NFATC1: variants seen among roughly 807,000 people sequenced by gnomAD.
NFATC1 encodes the protein nuclear factor of activated T-cells, cytoplasmic 1.
A neutral mutation model predicts 76.0 loss-of-function variants in NFATC1; 22 were observed. The ratio of observed to expected loss-of-function variants is 0.29; its 90% CI spans 0.21 to 0.41. The LOEUF is 0.41. Ranked by LOEUF, NFATC1 falls within the 10% of genes least tolerant of loss-of-function variation. NFATC1 has a pLI of 1.00. For synonymous variants in NFATC1, 704 were observed against 613.1 expected, an observed-to-expected ratio of 1.15 and a Z score of -2.19; for missense variants, 1,357 against 1,337.7, an observed-to-expected ratio of 1.01 and a Z score of -0.23.
intron 7 of NFATC1, among the ~76,000 whole-genome samples, chr18:79,464,153 G>A (rs908108895): frequency 6.6e-6 from 1 of 152,120 alleles, no homozygotes; most frequent in Non-Finnish European, 1.5e-5. Flanking sequence ...GCAGTGGCTC[G>A]ATCTCAGCTC....
Position 79,410,445 on chromosome 18 carries a change from C to T in NFATC1, c.170C>T (p.Pro57Leu), listed in dbSNP as rs779010195. 8.7e-6 allele frequency: 14 copies of T among 1,611,918 alleles called. No homozygotes were observed. The highest frequency in any genetic ancestry group is 2.7e-5 in the African/African-American group (2 of 74,906). ...TCCTCCAACGTCAGCCCCGCCCTGC[C>T]GCTCCCCACGGCGCACTCCACCCTG... Reference protein sequence around the residue: ...YASSNVSPALPLPTAHSTLPA... With the variant: ...YASSNVSPALLLPTAHSTLPA... Residue 57 changes from proline (P) to leucine (L), a missense_variant, in exon 2 of 10, where the codon CCG becomes CTG. By Grantham distance (98) the Pro-to-Leu change is moderately conservative. Coordinates refer to ENST00000427363, the MANE Select transcript of NFATC1 (RefSeq NM_001278669.2). This position sits in a 1 kb window ranked among gnomAD's most constrained non-coding sequence, Gnocchi z 6.7.
At chr18:79,471,612 G>A (rs2088790396) in intron 8 of NFATC1, among the ~76,000 whole-genome samples, 2 of 152,190 alleles carry the variant, frequency 1.3e-5, no homozygotes, top group South Asian at 2.1e-4. Flanking sequence ...CTAGGTCCCT[G>A]TGGGAACACA....
At position 79,520,193 on chromosome 18, in the gene NFATC1, C is replaced by T. The variant is rs1019430120; in HGVS notation, c.2783-7335C>T. ...TCTCGAAGCCCCTCCGGGCCCCTCACGGGAGGGGATCCCCCGCTGCGCTGC... is the reference window on the plus strand; with the variant it reads ...TCTCGAAGCCCCTCCGGGCCCCTCATGGGAGGGGATCCCCCGCTGCGCTGC... On this transcript the variant is annotated intron_variant, in intron 9 of 9. Coordinates refer to ENST00000427363, the MANE Select transcript of NFATC1 (RefSeq NM_001278669.2). Among the ~76,000 whole-genome samples, 11 of 140,328 alleles carry T rather than the reference C, an allele frequency of 7.8e-5. No individual in the cohort carries two copies. In the South Asian group the frequency reaches 1.5e-3, roughly 19 times the overall value. 92.1% of individuals were successfully genotyped at this position (140,328 alleles called of 152,430 possible).
intron 1 of NFATC1, among the ~76,000 whole-genome samples, chr18:79,407,410 G>T (rs1380515322): frequency 6.6e-6 from 1 of 152,150 alleles, no homozygotes; most frequent in African/African-American, 2.4e-5. Context: ...CCCAGTCCCT[G>T]CCTGTGGCTC....
At chr18:79,484,456 T>A (rs1162577685) in intron 8 of NFATC1, among the ~76,000 whole-genome samples, 1 of 152,048 alleles carries the variant, frequency 6.6e-6, no homozygotes, top group Non-Finnish European at 1.5e-5. Context: ...TTAGCCTCCC[T>A]ACTCTGTGTA....
At chr18:79,469,593 C>T (rs1320143659) in intron 8 of NFATC1, 9 of 985,846 alleles carry the variant, frequency 9.1e-6, no homozygotes, top group Admixed American at 6.2e-5. Flanking sequence ...TTGTGCCCAG[C>T]GTGGACATCT....
intron 9 of NFATC1, among the ~76,000 whole-genome samples, chr18:79,511,216 A>G (rs983554788): frequency 6.6e-6 from 1 of 152,188 alleles, no homozygotes; most frequent in African/African-American, 2.4e-5. Flanking sequence ...AAGATTAATA[A>G]TTGGATAATC....
chr18:79,424,917 C>T (rs1184729697), intron 2 of NFATC1, among the ~76,000 whole-genome samples: 1 of 139,184 alleles, frequency 7.2e-6, no homozygotes, highest in Non-Finnish European at 1.6e-5. Context: ...CTCTGTCGCT[C>T]TGTCTCTCTG....
chr18:79,497,583 AG>A (rs2089921268), intron 9 of NFATC1: 1 of 152,196 alleles, frequency 6.6e-6, no homozygotes, highest in Admixed American at 6.5e-5. Context: ...GGAGCAAACA[AG>A]AGCCTGGCCA....
intron 6 of NFATC1, among the ~76,000 whole-genome samples, chr18:79,456,975 A>G (rs1435572320): frequency 1.3e-5 from 2 of 152,224 alleles, no homozygotes; most frequent in African/African-American, 2.4e-5. Context: ...CGCAATGACA[A>G]CACCTTCAGA....
At chr18:79,510,858 A>G (rs1478002985) in intron 9 of NFATC1, among the ~76,000 whole-genome samples, 1 of 149,832 alleles carries the variant, frequency 6.7e-6, no homozygotes, top group Non-Finnish European at 1.5e-5. Context: ...CTGCCGGGGC[A>G]TCCTCTGCCG....
chr18:79,425,883 A>G (rs1446014225), intron 2 of NFATC1, among the ~76,000 whole-genome samples: 1 of 152,228 alleles, frequency 6.6e-6, no homozygotes, highest in Non-Finnish European at 1.5e-5. Context: ...AACACCGTTC[A>G]CTGTAGAAGA....
chr18:79,413,437 G>A (rs1463086499), intron 2 of NFATC1, among the ~76,000 whole-genome samples: 1 of 152,192 alleles, frequency 6.6e-6, no homozygotes, highest in African/African-American at 2.4e-5. Context: ...TGGCTTGGAG[G>A]CGCCGTCTTC....
chr18:79,520,159 C>T (rs760266072), intron 9 of NFATC1, among the ~76,000 whole-genome samples: 3 of 147,026 alleles, frequency 2.0e-5, no homozygotes, highest in Non-Finnish European at 4.6e-5. Context: ...GCCCATCAGG[C>T]GACAGCCTTC....
chr18:79,398,458 A>T (rs1051782615), intron 1 of NFATC1, among the ~76,000 whole-genome samples: 1 of 152,236 alleles, frequency 6.6e-6, no homozygotes, highest in African/African-American at 2.4e-5. Context: ...GGAGACACCC[A>T]GTGTCTGTGG....
At chr18:79,490,589 C>T (rs1472711400) in intron 9 of NFATC1, among the ~76,000 whole-genome samples, 1 of 152,200 alleles carries the variant, frequency 6.6e-6, no homozygotes, top group African/African-American at 2.4e-5. Context: ...GACACCTGTT[C>T]CTCCCTGTGA....
intron 3 of NFATC1, among the ~76,000 whole-genome samples, chr18:79,438,393 C>T (rs776653240): frequency 1.3e-5 from 2 of 152,204 alleles, no homozygotes; most frequent in African/African-American, 2.4e-5. Flanking sequence ...CGGCCTCCAC[C>T]TCCATGGCAC....
chr18:79,521,004 GGGGGGCA>G (rs2090536989), intron 9 of NFATC1, among the ~76,000 whole-genome samples: 1 of 106,122 alleles, frequency 9.4e-6, no homozygotes, highest in Non-Finnish European at 2.0e-5. Flanking sequence ...TGTGTGTGGG[GGGGGGCA>G]TCCACTGATA....
chr18:79,476,483 A>G (rs2089075585), intron 8 of NFATC1, among the ~76,000 whole-genome samples: 1 of 152,230 alleles, frequency 6.6e-6, no homozygotes, highest in African/African-American at 2.4e-5. Flanking sequence ...TGTGCCCTGG[A>G]GCAGCACGGG....
Sources: gnomAD v4.1 joint callset for allele counts (sites outside exome capture counted in the v4.1 genomes callset) on GRCh38, gnomAD v4.1.1 for gene constraint, Gnocchi (gnomAD v3.1) non-coding constraint, MANE v1.5 for transcripts, NCBI Gene and HGNC (gene_info 2026-07-23, HGNC 2026-07-21) for gene names.